The following CPA6 variants were observed in gnomAD, a reference collection of about 807,000 sequenced individuals.
CPA6 encodes carboxypeptidase A6, also known as carboxypeptidase B.
A neutral mutation model predicts 63.3 loss-of-function variants in CPA6; 58 were observed. That is an observed-to-expected ratio of 0.92 (90% CI 0.74 to 1.14). CPA6 has a LOEUF of 1.14. CPA6 is among the 50% of genes most tolerant of loss of function. The pLI is 0.00. For synonymous variants in CPA6, 185 were observed against 179.0 expected (o/e 1.03, Z -0.27); for missense variants, 565 against 526.6 (o/e 1.07, Z -0.71).
chr8:67,456,121 T>C (rs1219132663), intron 8 of CPA6, among the ~76,000 whole-genome samples: 1 of 152,242 alleles, frequency 6.6e-6, no homozygotes, highest in Non-Finnish European at 1.5e-5. Context: ...GCTTAGATTC[T>C]GTCCTAAAGA....
At position 67,624,318 on chromosome 8, in the gene CPA6, T is replaced by A; in HGVS notation, c.117-67A>T. The A allele has an allele frequency of 5.9e-6, 5 of 850,324 alleles. No homozygotes were observed. In the South Asian group the frequency reaches 8.6e-5, roughly 15 times the overall value. 52.7% of individuals were successfully genotyped at this position (850,324 alleles called of 1,614,324 possible). A position where few individuals can be genotyped will look rare whatever the true frequency, so the allele number is the denominator to read the frequency against. On this transcript the variant is annotated intron_variant, in intron 1 of 10. Coordinates refer to ENST00000297770, the MANE Select transcript of CPA6 (RefSeq NM_020361.5). ...ATAAAGATATTAGTCATCTCTTTCT[T>A]ACCTCTTAAAAAACTGCCTCTGCAT...
At chr8:67,590,398 T>C (rs1463403798) in intron 2 of CPA6, among the ~76,000 whole-genome samples, 3 of 151,552 alleles carry the variant, frequency 2.0e-5, no homozygotes, top group African/African-American at 7.3e-5. Flanking sequence ...CCTTTGGGTA[T>C]ATACCCAGTA....
chr8:67,675,103 AC>A (rs1816440614), intron 1 of CPA6, among the ~76,000 whole-genome samples: 1 of 152,124 alleles, frequency 6.6e-6, no homozygotes, highest in Admixed American at 6.5e-5. Context: ...TAGGATCCAT[AC>A]CCCAAACTTC....
chr8:67,497,011 A>G (rs1216740080), intron 6 of CPA6, among the ~76,000 whole-genome samples: 1 of 152,098 alleles, frequency 6.6e-6, no homozygotes, highest in Non-Finnish European at 1.5e-5. Flanking sequence ...GAATCAGGTA[A>G]TACGTAATAT....
intron 8 of CPA6, among the ~76,000 whole-genome samples, chr8:67,439,791 TA>T (rs1426157656): frequency 2.0e-5 from 3 of 152,130 alleles, no homozygotes; most frequent in East Asian, 1.9e-4. Flanking sequence ...AGGAAATGAT[TA>T]AAAAATTATT....
intron 8 of CPA6, among the ~76,000 whole-genome samples, chr8:67,472,905 G>A (rs1811094757): frequency 6.6e-6 from 1 of 152,098 alleles, no homozygotes; most frequent in African/African-American, 2.4e-5. Flanking sequence ...ATAGTGTTTT[G>A]TGTATACACA....
intron 1 of CPA6, among the ~76,000 whole-genome samples, chr8:67,745,413 C>T (rs554737383): frequency 2.6e-5 from 4 of 152,326 alleles, no homozygotes; most frequent in South Asian, 4.1e-4. Context: ...TGCTTACCTA[C>T]GGAGGGGGGA....
At chr8:67,659,196 G>A (rs887519251) in intron 1 of CPA6, among the ~76,000 whole-genome samples, 11 of 151,998 alleles carry the variant, frequency 7.2e-5, no homozygotes, top group Admixed American at 3.3e-4. Flanking sequence ...GCCTCTTTTC[G>A]CTCTATAAAG....
chr8:67,443,630 C>T (rs993472612), intron 8 of CPA6, among the ~76,000 whole-genome samples: 4 of 152,174 alleles, frequency 2.6e-5, no homozygotes, highest in Non-Finnish European at 5.9e-5. Flanking sequence ...GAAAGAAACC[C>T]CATACTTTTT....
chr8:67,711,462 C>T lies in CPA6; in HGVS notation c.116+34552G>A, dbSNP rs999113530. 5.9e-5 allele frequency among the ~76,000 whole-genome samples: 9 copies of T among 152,178 alleles called. No homozygotes were observed. In the East Asian group the frequency reaches 1.2e-3, roughly 20 times the overall value. ...ACTCATGGTACTGATTTCCAGGGCC[C>T]TATTTGGGCTGGTGATGAAATTAAG... On this transcript the variant is annotated intron_variant, in intron 1 of 10. Coordinates refer to ENST00000297770, the MANE Select transcript of CPA6 (RefSeq NM_020361.5).
chr8:67,617,973 C>G lies in CPA6; in HGVS notation c.192+6203G>C, dbSNP rs576501134. ...GGAGTGAGTAGTCTGAGTGCCTCTT[C>G]TGCAACTAGCTGGAGGAAACATCGA... is the stretch of plus-strand genomic sequence containing the variant. On this transcript the variant is annotated intron_variant, in intron 2 of 10. Transcript: ENST00000297770. Among the ~76,000 whole-genome samples, 18 of 152,336 alleles carry G rather than the reference C, an allele frequency of 1.2e-4. No homozygotes were observed. In the South Asian group the frequency reaches 1.9e-3, roughly 16 times the overall value.
At chr8:67,597,324 G>A (rs112518382) in intron 2 of CPA6, among the ~76,000 whole-genome samples, 4,989 of 150,706 alleles carry the variant, frequency 0.033, 122 homozygotes, top group African/African-American at 0.067. Flanking sequence ...TCAGCCTCCC[G>A]AGTAGCTGGG....
At chr8:67,584,249 G>A (rs114997736) in intron 2 of CPA6, among the ~76,000 whole-genome samples, 2,224 of 152,290 alleles carry the variant, frequency 0.015, 38 homozygotes, top group African/African-American at 0.05. Context: ...TAGAGTAGGA[G>A]CCTGTAAGGA....
At chr8:67,589,274 C>G (rs1433698266) in intron 2 of CPA6, among the ~76,000 whole-genome samples, 4 of 152,092 alleles carry the variant, frequency 2.6e-5, no homozygotes, top group African/African-American at 7.2e-5. Context: ...CCAAAACTAC[C>G]TTGATAGTTT....
chr8:67,596,589 T>C (rs1362337724), intron 2 of CPA6, among the ~76,000 whole-genome samples: 2 of 152,056 alleles, frequency 1.3e-5, no homozygotes, highest in Non-Finnish European at 2.9e-5. Flanking sequence ...AATCCAATTA[T>C]CTCATAATTT....
intron 6 of CPA6, among the ~76,000 whole-genome samples, chr8:67,494,205 GT>G (rs929425942): frequency 2.2e-4 from 33 of 148,460 alleles, no homozygotes; most frequent in African/African-American, 3.2e-4. Flanking sequence ...GTCCATGCTG[GT>G]TTTTTTTTTA....
intron 2 of CPA6, among the ~76,000 whole-genome samples, chr8:67,568,773 A>G (rs1351111629): frequency 1.3e-5 from 2 of 152,188 alleles, no homozygotes; most frequent in Admixed American, 1.3e-4. Context: ...ATTTAGAGGC[A>G]GAGTTTTGCT....
intron 8 of CPA6, among the ~76,000 whole-genome samples, chr8:67,454,344 T>C (rs1042141984): frequency 2.0e-5 from 3 of 152,212 alleles, no homozygotes; most frequent in East Asian, 1.9e-4. Context: ...CTGTGTTGGA[T>C]GGATACATTA....
chr8:67,668,160 TC>T (rs1315595701), intron 1 of CPA6, among the ~76,000 whole-genome samples: 1 of 152,244 alleles, frequency 6.6e-6, no homozygotes, highest in Non-Finnish European at 1.5e-5. Flanking sequence ...ATGCTTTGCC[TC>T]CAAATTATGA....
Sources: gnomAD v4.1 joint callset for allele counts (sites outside exome capture counted in the v4.1 genomes callset) on GRCh38, gnomAD v4.1.1 for gene constraint, MANE v1.5 for transcripts, NCBI Gene and HGNC (gene_info 2026-07-23, HGNC 2026-07-21) for gene names.